Variants in CLSTN2 observed in about 807,000 individuals in gnomAD.
CLSTN2 encodes the protein calsyntenin 2, also known as calsyntenin-2.
In CLSTN2, 48 loss-of-function variants were observed where a neutral mutation model predicts 101.2. The observed-to-expected ratio is 0.47, with a 90% CI of 0.38 to 0.60. The LOEUF (loss-of-function observed/expected upper bound fraction) is 0.60, where lower values mean the gene tolerates loss of function less well. CLSTN2 is among the 20% of genes least tolerant of loss of function. The pLI, the probability that CLSTN2 is intolerant of heterozygous loss-of-function variation, is 0.00. For missense variants in CLSTN2, 1,160 were observed against 1,238.2 expected, an observed-to-expected ratio of 0.94 and a Z score of 0.95; for synonymous variants, 481 against 463.6, an observed-to-expected ratio of 1.04 and a Z score of -0.48.
intron 1 of CLSTN2, among the ~76,000 whole-genome samples, chr3:140,095,863 G>A (rs1369026751): frequency 5.9e-5 from 9 of 152,228 alleles, no homozygotes; most frequent in South Asian, 2.1e-4. Context: ...GTGTTAGGAC[G>A]CGCAAGTAAT....
chr3:140,185,460 G>A (rs540903228), intron 2 of CLSTN2, among the ~76,000 whole-genome samples: 6 of 152,106 alleles, frequency 3.9e-5, no homozygotes, highest in Non-Finnish European at 7.4e-5. Context: ...ATGCTTCGTC[G>A]ACAAGTAATG....
chr3:140,269,925 G>T (rs964246310), intron 2 of CLSTN2, among the ~76,000 whole-genome samples: 3 of 149,442 alleles, frequency 2.0e-5, no homozygotes, highest in Non-Finnish European at 4.4e-5. Context: ...GAGAGGTTTT[G>T]TGAGGATTTG....
At chr3:139,963,565 G>T (rs1024938137) in intron 1 of CLSTN2, among the ~76,000 whole-genome samples, 1 of 152,184 alleles carries the variant, frequency 6.6e-6, no homozygotes, top group African/African-American at 2.4e-5. Context: ...GCAGAGATTG[G>T]TATTGTCTCT....
At chr3:140,003,273 T>C (rs1201158361) in intron 1 of CLSTN2, among the ~76,000 whole-genome samples, 1 of 152,166 alleles carries the variant, frequency 6.6e-6, no homozygotes, top group Non-Finnish European at 1.5e-5. Flanking sequence ...TTTTACTTCT[T>C]AAGTTAATTC....
intron 1 of CLSTN2, among the ~76,000 whole-genome samples, chr3:139,954,239 A>G (rs750187954): frequency 1.2e-4 from 18 of 152,126 alleles, no homozygotes; most frequent in Admixed American, 1.3e-4. Context: ...CAGGCTATCA[A>G]TTCTGGGATT....
chr3:139,982,687 G>A (rs1935951009), intron 1 of CLSTN2, among the ~76,000 whole-genome samples: 1 of 152,146 alleles, frequency 6.6e-6, no homozygotes, highest in South Asian at 2.1e-4. Context: ...GTGGAGTAAT[G>A]CATCATGGCT....
chr3:140,076,668 C>T (rs951854971), intron 1 of CLSTN2, among the ~76,000 whole-genome samples: 1 of 136,060 alleles, frequency 7.3e-6, no homozygotes, highest in African/African-American at 3.0e-5. Flanking sequence ...GCCTTCGAGG[C>T]CCACCTTCTC....
chr3:140,204,082 C>T (rs1652318534), intron 2 of CLSTN2, among the ~76,000 whole-genome samples: 1 of 152,196 alleles, frequency 6.6e-6, no homozygotes, highest in Non-Finnish European at 1.5e-5. Flanking sequence ...TTAGACTCAG[C>T]TTTGAATTCC....
At chr3:140,471,811 T>C (rs1171796802) in intron 8 of CLSTN2, among the ~76,000 whole-genome samples, 3 of 152,234 alleles carry the variant, frequency 2.0e-5, no homozygotes, top group Non-Finnish European at 4.4e-5. Flanking sequence ...CACTTCCAGT[T>C]GCTCAGAAGT....
chr3:140,343,714 C>A (rs1402727490), intron 2 of CLSTN2, among the ~76,000 whole-genome samples: 1 of 152,214 alleles, frequency 6.6e-6, no homozygotes, highest in African/African-American at 2.4e-5. Flanking sequence ...CTTTCATGTT[C>A]ATCCAAGTTC....
At chr3:140,504,676 C>T (rs1321776160) in intron 8 of CLSTN2, among the ~76,000 whole-genome samples, 1 of 152,200 alleles carries the variant, frequency 6.6e-6, no homozygotes, top group Non-Finnish European at 1.5e-5. Context: ...TCCACAGTCA[C>T]ACCAAAGCTT....
At chr3:140,355,651 A>C (rs554897875) in intron 2 of CLSTN2, among the ~76,000 whole-genome samples, 1 of 152,196 alleles carries the variant, frequency 6.6e-6, no homozygotes, top group Non-Finnish European at 1.5e-5. Flanking sequence ...GAAAATTTGA[A>C]AGGCAATCTG....
At chr3:140,533,336 A>G (rs1470100387) in intron 9 of CLSTN2, among the ~76,000 whole-genome samples, 7 of 152,180 alleles carry the variant, frequency 4.6e-5, no homozygotes, top group African/African-American at 1.7e-4. Flanking sequence ...CCTTGTGTTG[A>G]TGGATTCTGT....
chr3:140,425,689 G>A (rs779361074), intron 5 of CLSTN2, among the ~76,000 whole-genome samples: 20 of 152,330 alleles, frequency 1.3e-4, no homozygotes, highest in Non-Finnish European at 2.2e-4. Context: ...AGCTTACAGC[G>A]AGGGGAGGAA....
At chr3:140,440,186 C>G (rs2088745546) in intron 5 of CLSTN2, among the ~76,000 whole-genome samples, 2 of 152,064 alleles carry the variant, frequency 1.3e-5, no homozygotes, top group South Asian at 4.2e-4. Flanking sequence ...AGGACCAGCC[C>G]TAGGAAGGGC....
chr3:140,023,929 C>G (rs1560072664), intron 1 of CLSTN2, among the ~76,000 whole-genome samples: 1 of 152,214 alleles, frequency 6.6e-6, no homozygotes, highest in Non-Finnish European at 1.5e-5. Flanking sequence ...CTCACTGCCT[C>G]CCTCTGCCCT....
chr3:139,997,145 T>A (rs1039746836), intron 1 of CLSTN2, among the ~76,000 whole-genome samples: 1 of 151,900 alleles, frequency 6.6e-6, no homozygotes, highest in Admixed American at 6.6e-5. Flanking sequence ...TTTTCATAGG[T>A]GCTGTTTATA....
At chr3:140,170,978 C>T (rs542019023) in intron 1 of CLSTN2, among the ~76,000 whole-genome samples, 1 of 152,246 alleles carries the variant, frequency 6.6e-6, no homozygotes, top group African/African-American at 2.4e-5. Flanking sequence ...TAATTTAGAC[C>T]ATTTAGATAG....
chr3:140,466,504 T>C, intron 7 of CLSTN2, 106 bp from the exon 8 acceptor site: 4 of 1,346,854 alleles, frequency 3.0e-6, no homozygotes, highest in Non-Finnish European at 3.1e-6. Context: ...GGAGTGCCCA[T>C]GCCTTTGTCC....
Sources: allele counts gnomAD v4.1 joint callset (sites outside exome capture counted in the v4.1 genomes callset), GRCh38; gene constraint gnomAD v4.1.1; transcripts MANE v1.5; gene names NCBI Gene and HGNC (gene_info 2026-07-23, HGNC 2026-07-21).